Variants in MACROD2 observed in about 807,000 individuals in gnomAD.
MACROD2 encodes the protein ADP-ribose glycohydrolase MACROD2.
MACROD2 carries 36 observed loss-of-function variants against 70.4 expected under a neutral mutation model. The observed-to-expected ratio is 0.51, with a 90% CI of 0.39 to 0.68. The LOEUF is 0.68. MACROD2 is among the 30% of genes least tolerant of loss of function. The pLI is 0.00. For synonymous variants in MACROD2, 172 were observed against 178.8 expected, an observed-to-expected ratio of 0.96 and a Z score of 0.30; for missense variants, 496 against 538.4, an observed-to-expected ratio of 0.92 and a Z score of 0.78.
chr20:16,012,766 T>C (rs2066880297), intron 15 of MACROD2, among the ~76,000 whole-genome samples: 1 of 152,152 alleles, frequency 6.6e-6, no homozygotes, highest in Non-Finnish European at 1.5e-5. Context: ...TTCCTGACCA[T>C]GGGAGAGCAC....
Position 14,005,072 on chromosome 20 carries a change from G to A in MACROD2, c.163+2668G>A, listed in dbSNP as rs116994847. On this transcript the variant is annotated intron_variant, in intron 2 of 17. Coordinates refer to ENST00000684519, the MANE Select transcript of MACROD2 (RefSeq NM_001351661.2). ...ACAATAGAAAGTTAAATAAAAAAGA[G>A]GGGAGCAGCCAAATATATTTGTAAC... Among the ~76,000 whole-genome samples, 45 of 152,180 alleles carry A rather than the reference G, an allele frequency of 3.0e-4. 1 individual carries two copies. In the East Asian group the frequency reaches 8.5e-3, roughly 29 times the overall value.
At chr20:15,063,730 T>A (rs547893428) in intron 5 of MACROD2, among the ~76,000 whole-genome samples, 10 of 152,270 alleles carry the variant, frequency 6.6e-5, no homozygotes, top group Non-Finnish European at 7.4e-5. Flanking sequence ...CCTGCATGGG[T>A]TGACAATTTG....
At chr20:15,739,321 G>A (rs575330803) in intron 8 of MACROD2, among the ~76,000 whole-genome samples, 106 of 152,256 alleles carry the variant, frequency 7.0e-4, no homozygotes, top group African/African-American at 2.5e-3. Flanking sequence ...ATAATTTGGA[G>A]CTCACATGAG....
chr20:14,518,757 G>A (rs1053950440), intron 4 of MACROD2, among the ~76,000 whole-genome samples: 5 of 152,136 alleles, frequency 3.3e-5, no homozygotes, highest in African/African-American at 1.2e-4. Flanking sequence ...GAAACATTCA[G>A]CAAGGGAGAT....
At chr20:14,049,796 AAAAC>A (rs2053538817) in intron 2 of MACROD2, among the ~76,000 whole-genome samples, 1 of 145,630 alleles carries the variant, frequency 6.9e-6, no homozygotes, top group Admixed American at 6.9e-5. Flanking sequence ...ACAAAAAACA[AAAAC>A]AAGGCTGGTG....
intron 5 of MACROD2, chr20:14,894,232 T>G (rs2073800227): frequency 6.6e-6 from 1 of 151,988 alleles, no homozygotes. Context: ...ACTTTTTTTT[T>G]GTTTGTTTTG....
At chr20:14,918,185 A>G (rs2327893) in intron 5 of MACROD2, among the ~76,000 whole-genome samples, 2,069 of 152,254 alleles carry the variant, frequency 0.014, 36 homozygotes, top group East Asian at 0.056. Flanking sequence ...TATGTTGCCC[A>G]GGCTGGTCTC....
chr20:15,953,564 A>G (rs1217313361), intron 12 of MACROD2, among the ~76,000 whole-genome samples: 2 of 152,198 alleles, frequency 1.3e-5, no homozygotes, highest in African/African-American at 2.4e-5. Flanking sequence ...ACGCATACAC[A>G]TAAGTTAAGG....
At chr20:15,611,226 A>G (rs531594899) in intron 8 of MACROD2, among the ~76,000 whole-genome samples, 12 of 152,222 alleles carry the variant, frequency 7.9e-5, no homozygotes, top group Middle Eastern at 3.4e-3. Context: ...CCTTTAGGGT[A>G]GATAGCAATG....
intron 5 of MACROD2, among the ~76,000 whole-genome samples, chr20:15,112,950 C>CTGTGTGTGTGTGTGTGTGTGTGTG (rs11467446): frequency 1.0e-3 from 150 of 146,100 alleles, no homozygotes; most frequent in Middle Eastern, 3.5e-3. Context: ...TAATATTTCA[C>CTGTGTGTGTGTGTGTGTGTGTGTG]TGTGTGTGTG....
At chr20:14,327,013 T>C (rs913276455) in intron 3 of MACROD2, 1 of 1,613,700 alleles carries the variant, frequency 6.2e-7, no homozygotes, top group Non-Finnish European at 8.5e-7. Flanking sequence ...TGTGCTAAGG[T>C]GATTACGGGA....
In MACROD2 at chr20:15,867,476, C is replaced by T. The variant is rs541349732; in HGVS notation, c.727+4650C>T. On this transcript the variant is annotated intron_variant, in intron 9 of 17. Coordinates refer to ENST00000684519, the MANE Select transcript of MACROD2 (RefSeq NM_001351661.2). ...GTGGCAGCTTTATGGAATTATCATACACTTTGGTTGCAAATAATTTATAGT... is the reference window on the plus strand; with the variant it reads ...GTGGCAGCTTTATGGAATTATCATATACTTTGGTTGCAAATAATTTATAGT... 3.9e-5 allele frequency among the ~76,000 whole-genome samples: 6 copies of T among 152,194 alleles called. No homozygotes were observed. In the South Asian group the frequency reaches 1.0e-3, roughly 26 times the overall value.
In MACROD2 at chr20:14,263,907, G is replaced by T. The variant is rs181602786; in HGVS notation, c.271+178179G>T. 5.3e-3 allele frequency among the ~76,000 whole-genome samples: 798 copies of T among 149,918 alleles called. 3 individuals are homozygous for T. Among genetic ancestry groups the T allele is most frequent in the Non-Finnish European group, 9.3e-3 (628 of 67,728 alleles). On this transcript the variant is annotated intron_variant, in intron 3 of 17. Coordinates refer to ENST00000684519, the MANE Select transcript of MACROD2 (RefSeq NM_001351661.2). ...GGATCACCTGAGCCCAGGAGGTCAC[G>T]GCTGCAGTAAGCCATGATTGTACCA...
intron 3 of MACROD2, among the ~76,000 whole-genome samples, chr20:14,097,619 C>T (rs2054246143): frequency 6.6e-6 from 1 of 152,140 alleles, no homozygotes; most frequent in Admixed American, 6.5e-5. Context: ...ATAACTCTGA[C>T]AAATTATTTA....
At chr20:14,228,149 A>G (rs540947861) in intron 3 of MACROD2, among the ~76,000 whole-genome samples, 65 of 137,992 alleles carry the variant, frequency 4.7e-4, no homozygotes, top group Non-Finnish European at 9.0e-4. Context: ...AACTATATAT[A>G]TAGTTTTTTC....
Position 15,991,056 on chromosome 20 carries a change from C to CAA in MACROD2, c.1153+3906_1153+3907dup, listed in dbSNP as rs11482051. 1.3e-4 allele frequency among the ~76,000 whole-genome samples: 19 copies of CAA among 151,298 alleles called. No homozygotes were observed. In the South Asian group the frequency reaches 1.7e-3, roughly 13 times the overall value. ...AAATATAGAGGTGCCCTAGGCCAGG[C>CAA]AAAAAAAAATCAGCCAAATATATTA... On this transcript the variant is annotated intron_variant, in intron 15 of 17. Coordinates refer to ENST00000684519, the MANE Select transcript of MACROD2 (RefSeq NM_001351661.2).
At chr20:15,403,701 C>T (rs1472314148) in intron 6 of MACROD2, among the ~76,000 whole-genome samples, 2 of 152,086 alleles carry the variant, frequency 1.3e-5, no homozygotes, top group East Asian at 3.9e-4. Flanking sequence ...TTAATATGAG[C>T]AGTTGCCCTG....
intron 5 of MACROD2, chr20:14,904,832 A>T (rs1037827203): frequency 6.6e-6 from 1 of 152,206 alleles, no homozygotes; most frequent in South Asian, 2.1e-4. Context: ...GGCATATATT[A>T]TGCATATTAT....
At chr20:15,468,274 C>T (rs1325618230) in intron 7 of MACROD2, among the ~76,000 whole-genome samples, 1 of 151,882 alleles carries the variant, frequency 6.6e-6, no homozygotes. Context: ...GAGGATACTT[C>T]CTCCATACTT....
Sources: gnomAD v4.1 joint callset for allele counts (sites outside exome capture counted in the v4.1 genomes callset) on GRCh38, gnomAD v4.1.1 for gene constraint, MANE v1.5 for transcripts, NCBI Gene and HGNC (gene_info 2026-07-23, HGNC 2026-07-21) for gene names.